DMPK: variants seen among roughly 807,000 people sequenced by gnomAD.
DMPK encodes the protein myotonin-protein kinase.
A neutral mutation model predicts 70.3 loss-of-function variants in DMPK; 32 were observed. The ratio of observed to expected loss-of-function variants is 0.46; its 90% CI spans 0.34 to 0.61. The LOEUF (loss-of-function observed/expected upper bound fraction) is 0.61. Among genes scored for constraint, DMPK ranks in the 20% least tolerant of loss-of-function variants. DMPK has a pLI of 0.01. For missense variants in DMPK, 899 were observed against 886.0 expected, an observed-to-expected ratio of 1.01 and a Z score of -0.19; for synonymous variants, 469 against 390.9, an observed-to-expected ratio of 1.20 and a Z score of -2.36.
intron 2 of DMPK, 78 bp downstream of exon 2, chr19:45,779,700 C>T: frequency 6.5e-7 from 1 of 1,529,548 alleles, no homozygotes; most frequent in Non-Finnish European, 8.8e-7. Context: ...GGTCATTCAT[C>T]AATTTCTAAG....
Position 45,769,826 on chromosome 19 carries a change from G to T in DMPK, c.*662C>A. 4.5e-6 allele frequency: 1 copy of T among 222,428 alleles called. No homozygotes were observed. Among genetic ancestry groups the T allele is most frequent in the South Asian group, 5.9e-5 (1 of 16,980 alleles). The allele number at this position is 222,428 out of a possible 1,614,324, so 13.8% of individuals were successfully genotyped here. A position where few individuals can be genotyped will look rare whatever the true frequency, so the allele number is the denominator to read the frequency against. The stretch of plus-strand genomic sequence containing the variant: ...CGGGGTCTCAGTGCATCCAAAACGT[G>T]GATTGGGGTTGTTGGGGGTCCTGTA... On this transcript the variant is annotated 3_prime_UTR_variant, in exon 15 of 15. Coordinates refer to ENST00000291270, the MANE Select transcript of DMPK (RefSeq NM_004409.5).
In DMPK at chr19:45,771,986, G is replaced by A; in HGVS notation, c.1345-58C>T. ...TGGCTCCTGGAAGACTCAGGACTTG[G>A]GCACTGGTTCCAGGCTAGGAATCCT... is the stretch of plus-strand genomic sequence containing the variant. On this transcript the variant is annotated intron_variant, in intron 10 of 14. Transcript: ENST00000291270. The A allele has an allele frequency of 2.0e-6, 3 of 1,490,722 alleles. No individual in the cohort carries two copies. In the Middle Eastern group the frequency reaches 5.7e-4, roughly 281 times the overall value. The allele number at this position is 1,490,722 out of a possible 1,614,324, so 92.3% of individuals were successfully genotyped here.
intron 5 of DMPK, 135 bp downstream of exon 5, chr19:45,778,358 C>A: frequency 7.3e-7 from 1 of 1,368,502 alleles, no homozygotes; most frequent in African/African-American, 1.4e-5. Context: ...CAGTTCTGAC[C>A]CCTACTCCCA....
Position 45,777,600 on chromosome 19 carries a change from G to C in DMPK, c.883-10C>G. ...GCAGAGAGAGGTGCTCCTGCTCAGA[G>C]GGAGAGGAGGCGATAGCCTGGGAGC... On this transcript the variant is annotated splice_polypyrimidine_tract_variant and intron_variant, in intron 7 of 14. Coordinates refer to ENST00000291270, the MANE Select transcript of DMPK (RefSeq NM_004409.5). The surrounding 1 kb of genome is among the most constrained non-coding windows in gnomAD (Gnocchi z 6.7). 6.2e-7 allele frequency: 1 copy of C among 1,613,114 alleles called. No individual in the cohort carries two copies. The highest frequency in any genetic ancestry group is 8.5e-7 in the Non-Finnish European group (1 of 1,179,580).
At chr19:45,780,063 G>C in intron 1 of DMPK, 194 bp from the exon 2 acceptor site, 1 of 1,522,740 alleles carries the variant, frequency 6.6e-7, no homozygotes, top group Non-Finnish European at 8.8e-7. Context: ...CTCCCATAGA[G>C]GTGAGATGCC....
chr19:45,771,171 G>A, intron 13 of DMPK, 111 bp from the exon 14 acceptor site: 2 of 1,175,668 alleles, frequency 1.7e-6, no homozygotes, highest in South Asian at 1.5e-5. Flanking sequence ...GGGAGATCCC[G>A]GAGGGAATCT....
In DMPK at chr19:45,769,995, C is replaced by T. The variant is rs1047183869; in HGVS notation, c.*493G>A. The T allele has an allele frequency of 3.2e-6, 1 of 316,614 alleles. No individual in the cohort carries two copies. The highest frequency in any genetic ancestry group is 7.2e-5 in the East Asian group (1 of 13,904). The allele number at this position is 316,614 out of a possible 1,614,324, so 19.6% of individuals were successfully genotyped here. On this transcript the variant is annotated 3_prime_UTR_variant, in exon 15 of 15. Coordinates refer to ENST00000291270, the MANE Select transcript of DMPK (RefSeq NM_004409.5). ...GCGGGTTTGGCAAAAGCAAATTTCC[C>T]GAGTAAGCAGGCAGAGATCGCGCCA...
intron 9 of DMPK, among the ~76,000 whole-genome samples, chr19:45,773,923 G>A (rs371371836): frequency 2.5e-4 from 37 of 150,594 alleles, no homozygotes; most frequent in East Asian, 1.2e-3. Context: ...GATTCCAAGC[G>A]TGAGCCACCA....
At chr19:45,782,020 G>A (rs1970146168) in intron 1 of DMPK, among the ~76,000 whole-genome samples, 173 bp downstream of exon 1, 1 of 152,138 alleles carries the variant, frequency 6.6e-6, no homozygotes, top group Non-Finnish European at 1.5e-5. Context: ...GGTGGCATAG[G>A]ACAGAGAAAT....
Position 45,777,165 on chromosome 19 carries a change from G to T in DMPK, c.1146+162C>A. The stretch of plus-strand genomic sequence containing the variant: ...TCTGTGTTCCCCCACTGGACTGTAA[G>T]TCTAGGTCACTGCTGGGTCCTCAGT... On this transcript the variant is annotated intron_variant, in intron 8 of 14. Transcript: ENST00000291270. This position sits in a 1 kb window ranked among gnomAD's most constrained non-coding sequence, Gnocchi z 6.7. 1 of 1,003,316 alleles carries T rather than the reference G, an allele frequency of 1.0e-6. No individual in the cohort carries two copies. The highest frequency in any genetic ancestry group is 1.4e-6 in the Non-Finnish European group (1 of 710,348). The allele number at this position is 1,003,316 out of a possible 1,614,324, so 62.2% of individuals were successfully genotyped here. A position where few individuals can be genotyped will look rare whatever the true frequency, so the allele number is the denominator to read the frequency against.
rs138443073 is a variant in DMPK, at chr19:45,777,178, C to T, written c.1146+149G>A. On this transcript the variant is annotated intron_variant, in intron 8 of 14. Transcript: ENST00000291270. This position sits in a 1 kb window ranked among gnomAD's most constrained non-coding sequence, Gnocchi z 6.7. ...ACTGGACTGTAAGTCTAGGTCACTGCTGGGTCCTCAGTAGTAGATGGGCAC... is the reference window on the plus strand; with the variant it reads ...ACTGGACTGTAAGTCTAGGTCACTGTTGGGTCCTCAGTAGTAGATGGGCAC... 6.9e-4 allele frequency: 794 copies of T among 1,143,244 alleles called. 8 individuals carry two copies. The African/African-American group carries it at 0.01, about 15-fold the overall frequency. The allele number at this position is 1,143,244 out of a possible 1,614,324, so 70.8% of individuals were successfully genotyped here.
At chr19:45,779,140 C>G in intron 4 of DMPK, 124 bp downstream of exon 4, 1 of 983,172 alleles carries the variant, frequency 1.0e-6, no homozygotes, top group Non-Finnish European at 1.6e-6. Flanking sequence ...TTACCGCACA[C>G]AGACTTTCCC....
intron 1 of DMPK, among the ~76,000 whole-genome samples, 185 bp downstream of exon 1, chr19:45,782,008 G>C (rs1046067862): frequency 6.6e-6 from 1 of 152,148 alleles, no homozygotes; most frequent in African/African-American, 2.4e-5. Flanking sequence ...CCCCTCCAGA[G>C]TGGTGGCATA....
At chr19:45,782,124 T>A in intron 1 of DMPK, 69 bp downstream of exon 1, 33 of 280,810 alleles carry the variant, frequency 1.2e-4, no homozygotes, top group Non-Finnish European at 1.6e-4. Context: ...CAGCCAGGCC[T>A]CTGTGCCCAG....
intron 14 of DMPK, 41 bp downstream of exon 14, chr19:45,770,930 G>T (rs1339994652): frequency 7.4e-6 from 10 of 1,360,414 alleles, no homozygotes; most frequent in Non-Finnish European, 9.6e-6. Context: ...GGTGGAGCGC[G>T]GGGCGCGACG....
chr19:45,779,646 G>A lies in DMPK; in HGVS notation c.253-124C>T, dbSNP rs568480287. On this transcript the variant is annotated intron_variant, in intron 2 of 14. Transcript: ENST00000291270. ...CCCCACCTGCCACACCACGCCCATT[G>A]GTCCCAAGCCCCGCCTCCAGCCCAG... 7.4e-5 allele frequency: 115 copies of A among 1,555,448 alleles called. No individual in the cohort carries two copies. In the African/African-American group the frequency reaches 1.3e-3, roughly 18 times the overall value.
In DMPK at chr19:45,770,595, C is replaced by T. The variant is rs1237301521; in HGVS notation, c.1783G>A (p.Ala595Thr). Residue 595 changes from alanine to threonine, a missense_variant, in exon 15 of 15, where the codon GCC becomes ACC. Around this residue, in one of 3 missense-constraint regions of DMPK, gnomAD observed 555 missense variants for 483.8 expected, o/e 1.15. Coordinates refer to ENST00000291270, the MANE Select transcript of DMPK (RefSeq NM_004409.5). Reference protein sequence around the residue: ...LSEALSLLLFAVVLSRAAALG... With the variant: ...LSEALSLLLFTVVLSRAAALG... ...GCGGCGGCACGAGACAGAACAACGG[C>T]GAACAGGAGCAGGGAAAGCGCCTCC... 1.3e-6 allele frequency: 2 copies of T among 1,552,674 alleles called. No individual in the cohort carries two copies. Among genetic ancestry groups the T allele is most frequent in the African/African-American group, 1.4e-5 (1 of 73,102 alleles).
Position 45,771,654 on chromosome 19 carries a change from T to G in DMPK, c.1514A>C (p.Glu505Ala), listed in dbSNP as rs756603673. Residue 505 changes from glutamate to alanine, a missense_variant, in exon 12 of 15, where the codon GAG (glutamate) becomes GCG (alanine). By Grantham distance (107) the Glu-to-Ala change is moderately radical. Transcript: ENST00000291270. The part of the protein sequence containing the change: ...DNQNFASQLR[E>A]AEARNRDLEA... ...TAGGTCCCGGTTCCGAGCCTCTGCC[T>G]CGCGTAGTTGACTGTGGGGAGGTAA... 1.9e-6 allele frequency: 3 copies of G among 1,613,796 alleles called. No homozygotes were observed. In the African/African-American group the frequency reaches 4.0e-5, roughly 22 times the overall value.
chr19:45,774,522 A>G (rs968824888), intron 9 of DMPK, among the ~76,000 whole-genome samples: 2 of 152,154 alleles, frequency 1.3e-5, no homozygotes, highest in Non-Finnish European at 2.9e-5. Context: ...TTGGCCTCCC[A>G]AAGTGCTAGG....
Sources: gnomAD v4.1 joint callset for allele counts (sites outside exome capture counted in the v4.1 genomes callset) on GRCh38, gnomAD v4.1.1 for gene constraint, gnomAD v4.1.1 regional missense constraint, Gnocchi (gnomAD v3.1) non-coding constraint, MANE v1.5 for transcripts, NCBI Gene and HGNC (gene_info 2026-07-23, HGNC 2026-07-21) for gene names.